Variants in USP30 observed in about 807,000 individuals in gnomAD.
The protein encoded by USP30 is ubiquitin specific peptidase 30, also known as ubiquitin carboxyl-terminal hydrolase 30.
In USP30, 41 loss-of-function variants were observed where a neutral mutation model predicts 68.2. The ratio of observed to expected loss-of-function variants is 0.60; its 90% CI spans 0.47 to 0.78. USP30 has a LOEUF of 0.78. Ranked by LOEUF, USP30 falls within the 30% of genes least tolerant of loss-of-function variation. The pLI, the probability that USP30 is intolerant of heterozygous loss-of-function variation, is 0.00. For missense variants in USP30, 522 were observed against 649.4 expected (o/e 0.80, Z 2.13); for synonymous variants, 229 against 253.7 (o/e 0.90, Z 0.93).
At chr12:109,036,321 T>A (rs1408881787) in intron 3 of USP30, among the ~76,000 whole-genome samples, 1 of 151,112 alleles carries the variant, frequency 6.6e-6, no homozygotes, top group Non-Finnish European at 1.5e-5. Context: ...TTTTTTTTTT[T>A]AGGGAGTCTC....
In USP30 at chr12:109,052,767, A is replaced by AT. The variant is rs1358803384; in HGVS notation, c.83+10dup. On this transcript the variant is annotated splice_region_variant and intron_variant, in intron 1 of 12. Transcript: ENST00000257548. Reference sequence around the variant, plus strand: ...CGGACCGGGGCGGCCGTCAGGTGAGATTTTGGGGGGCGGGGCTGCCGAAGA... The same window carrying AT: ...CGGACCGGGGCGGCCGTCAGGTGAGATTTTTGGGGGGCGGGGCTGCCGAAGA... The AT allele has an allele frequency of 6.9e-7, 1 of 1,445,262 alleles. No homozygotes were observed. The highest frequency in any genetic ancestry group is 9.1e-7 in the Non-Finnish European group (1 of 1,098,988). 89.5% of individuals were successfully genotyped at this position (1,445,262 alleles called of 1,614,324 possible).
chr12:109,075,895 T>A (rs1037097867), intron 7 of USP30, among the ~76,000 whole-genome samples: 8 of 151,932 alleles, frequency 5.3e-5, no homozygotes, highest in Middle Eastern at 3.4e-3. Flanking sequence ...AAACACTCTT[T>A]TAGTGTATTT....
chr12:109,058,180 C>A, intron 3 of USP30, 72 bp downstream of exon 3: 1 of 1,431,932 alleles, frequency 7.0e-7, no homozygotes, highest in Non-Finnish European at 9.5e-7. Context: ...ACTCTTATAA[C>A]AAAGAGTTAA....
chr12:109,081,340 G>A lies in USP30; in HGVS notation c.727G>A (p.Val243Ile), dbSNP rs370671896. The change falls in exon 8 of 13, where the codon GTT becomes ATT. Residue 243 changes from valine to isoleucine, a missense_variant. Val to Ile is a conservative substitution (Grantham distance 29). Coordinates refer to ENST00000257548, the MANE Select transcript of USP30 (RefSeq NM_032663.5). ...TCTGCAATATTTCTTTCAGAGTCCT[G>A]TTCGATTTGATACCTTTGATAGCCT... ...VCKHCEHQSP[V>I]RFDTFDSLSL... 6.3e-5 allele frequency: 101 copies of A among 1,613,974 alleles called. No individual in the cohort carries two copies. Among genetic ancestry groups the A allele is most frequent in the Non-Finnish European group, 8.5e-5 (100 of 1,180,014 alleles).
chr12:109,081,254 T>A, intron 7 of USP30, 80 bp from the exon 8 acceptor site: 1 of 1,350,054 alleles, frequency 7.4e-7, no homozygotes, highest in South Asian at 1.2e-5. Context: ...TTAAACTGTT[T>A]CATAGTCACA....
At chr12:109,055,379 CATATATAT>C (rs71443831) in intron 1 of USP30, among the ~76,000 whole-genome samples, 4 of 58,938 alleles carry the variant, frequency 6.8e-5, no homozygotes, top group Middle Eastern at 9.6e-3. Flanking sequence ...CATATATATA[CATATATAT>C]ATATATATAT....
intron 3 of USP30, among the ~76,000 whole-genome samples, chr12:109,046,459 A>T (rs2040606583): frequency 1.3e-5 from 2 of 149,086 alleles, no homozygotes; most frequent in Admixed American, 1.3e-4. Flanking sequence ...AATTAATTGG[A>T]TGAGGCCCAC....
intron 3 of USP30, among the ~76,000 whole-genome samples, chr12:109,038,374 A>G (rs1413311532): frequency 2.0e-5 from 3 of 152,140 alleles, no homozygotes; most frequent in Non-Finnish European, 4.4e-5. Flanking sequence ...CATGGTGTAT[A>G]TGTACCACAT....
intron 7 of USP30, among the ~76,000 whole-genome samples, chr12:109,078,373 G>A (rs1359110142): frequency 3.3e-5 from 5 of 151,446 alleles, no homozygotes; most frequent in African/African-American, 7.3e-5. Flanking sequence ...GTGGTGAGCC[G>A]AGATCACGCC....
intron 3 of USP30, among the ~76,000 whole-genome samples, chr12:109,042,933 G>T (rs1431314458): frequency 6.6e-6 from 1 of 152,034 alleles, no homozygotes; most frequent in Non-Finnish European, 1.5e-5. Flanking sequence ...CAATACACAA[G>T]AATCCATTGC....
At chr12:109,062,083 T>G (rs2041086914) in intron 3 of USP30, among the ~76,000 whole-genome samples, 2 of 151,976 alleles carry the variant, frequency 1.3e-5, no homozygotes, top group South Asian at 4.1e-4. Flanking sequence ...TACAGGTGCG[T>G]GCTGCCACAC....
intron 3 of USP30, among the ~76,000 whole-genome samples, chr12:109,044,786 T>G (rs2040589783): frequency 6.6e-6 from 1 of 152,198 alleles, no homozygotes; most frequent in African/African-American, 2.4e-5. Context: ...TCACTGAGTA[T>G]GCAGATTTGT....
chr12:109,023,628 C>CTTTTT lies in USP30; in HGVS notation c.-498+480_-498+484dup, dbSNP rs1179349331. ...TTCTACTCATGTGCCTTAATCAGGA[C>CTTTTT]TTTTTTTTTTTTTTTTTTTTTTTGA... On this transcript the variant is annotated intron_variant, in intron 1 of 15. Coordinates refer to the USP30 transcript ENST00000392784. 3.0e-3 allele frequency among the ~76,000 whole-genome samples: 218 copies of CTTTTT among 72,708 alleles called. 16 individuals carry two copies. The highest frequency in any genetic ancestry group is 6.6e-3 in the East Asian group (12 of 1,816). 47.7% of individuals were successfully genotyped at this position (72,708 alleles called of 152,430 possible). A position where few individuals can be genotyped will look rare whatever the true frequency, so the allele number is the denominator to read the frequency against.
At chr12:109,031,592 G>A (rs562996819) in intron 3 of USP30, among the ~76,000 whole-genome samples, 2 of 152,300 alleles carry the variant, frequency 1.3e-5, no homozygotes, top group East Asian at 3.9e-4. Flanking sequence ...AACAGTGGAA[G>A]CAACCCATGT....
At chr12:109,052,891 C>T in intron 1 of USP30, 130 bp downstream of exon 1, 1 of 993,426 alleles carries the variant, frequency 1.0e-6, no homozygotes. Context: ...GGTTCTGCGT[C>T]CTTTAGGGTT....
chr12:109,057,243 CAT>C lies in USP30; in HGVS notation c.193+453_193+454del, dbSNP rs2040906060. Among the ~76,000 whole-genome samples, 3 of 151,276 alleles carry C rather than the reference CAT, an allele frequency of 2.0e-5. No individual in the cohort carries two copies. In the South Asian group the frequency reaches 6.2e-4, roughly 31 times the overall value. ...CTTTTGAAAGTGTGGCTCTATGTAA[CAT>C]TGATTAAAATTCAGCAAAGAAAGAA... On this transcript the variant is annotated intron_variant, in intron 2 of 12. Transcript: ENST00000257548.
At chr12:109,043,894 C>G (rs2040582438) in intron 3 of USP30, among the ~76,000 whole-genome samples, 2 of 152,156 alleles carry the variant, frequency 1.3e-5, no homozygotes, top group Non-Finnish European at 2.9e-5. Flanking sequence ...AAAGCAGGAT[C>G]TTGAAGAGAT....
chr12:109,085,645 G>T, intron 12 of USP30, 22 bp from the exon 13 acceptor site: 1 of 1,610,330 alleles, frequency 6.2e-7, no homozygotes, highest in Non-Finnish European at 8.5e-7. Flanking sequence ...GTAAACCCCT[G>T]ACATGTGTTC....
chr12:109,085,648 A>G lies in USP30; in HGVS notation c.1290-19A>G. ...TTTGTTAAAATTGTAAACCCCTGACATGTGTTCGTATCATTCAGCTCCTCC... is the reference window on the plus strand; with the variant it reads ...TTTGTTAAAATTGTAAACCCCTGACGTGTGTTCGTATCATTCAGCTCCTCC... On this transcript the variant is annotated intron_variant, in intron 12 of 12. Transcript: ENST00000257548. The G allele has an allele frequency of 6.2e-7, 1 of 1,611,420 alleles. No individual in the cohort carries two copies. Among genetic ancestry groups the G allele is most frequent in the Non-Finnish European group, 8.5e-7 (1 of 1,177,850 alleles).
Sources: allele counts gnomAD v4.1 joint callset (sites outside exome capture counted in the v4.1 genomes callset), GRCh38; gene constraint gnomAD v4.1.1; transcripts MANE v1.5; gene names NCBI Gene and HGNC (gene_info 2026-07-23, HGNC 2026-07-21).